AKT3: variants seen among roughly 807,000 people sequenced by gnomAD.
AKT3 encodes AKT serine/threonine kinase 3.
A neutral mutation model predicts 65.3 loss-of-function variants in AKT3; 15 were observed. The observed-to-expected ratio is 0.23, with a 90% confidence interval of 0.15 to 0.35. The LOEUF (loss-of-function observed/expected upper bound fraction) is 0.35. Among genes scored for constraint, AKT3 ranks in the 10% least tolerant of loss-of-function variants. The pLI is 1.00. For synonymous variants in AKT3, 206 were observed against 183.8 expected (o/e 1.12, Z -0.98); for missense variants, 243 against 576.5 (o/e 0.42, Z 5.92).
At chr1:243,535,168 A>ATTTAAAATTTTAAAATATAT (rs1671818982) in intron 12 of AKT3, among the ~76,000 whole-genome samples, 1 of 111,092 alleles carries the variant, frequency 9.0e-6, no homozygotes, top group South Asian at 2.2e-4. Context: ...TTTAAAATAT[A>ATTTAAAATTTTAAAATATAT]TTTAAAATTT....
At chr1:243,756,306 C>T (rs1056038606) in intron 2 of AKT3, among the ~76,000 whole-genome samples, 2 of 152,042 alleles carry the variant, frequency 1.3e-5, no homozygotes, top group African/African-American at 4.8e-5. Context: ...TCATTCTCCA[C>T]ACAAAAAAGA....
intron 2 of AKT3, among the ~76,000 whole-genome samples, chr1:243,762,586 C>CCA (rs1689556604): frequency 6.6e-6 from 1 of 151,926 alleles, no homozygotes. Flanking sequence ...ATCATAAGTC[C>CCA]CACTTCAAGA....
chr1:243,499,330 G>A (rs1364643057), downstream of AKT3, among the ~76,000 whole-genome samples: 1 of 152,120 alleles, frequency 6.6e-6, no homozygotes, highest in Non-Finnish European at 1.5e-5. Context: ...GTTTCACGAG[G>A]AATTTCTTAG....
At chr1:243,749,406 A>G (rs1688669507) in intron 2 of AKT3, among the ~76,000 whole-genome samples, 2 of 152,014 alleles carry the variant, frequency 1.3e-5, no homozygotes, top group South Asian at 2.1e-4. Flanking sequence ...CCCCAACCCC[A>G]TCTTTCTCAT....
chr1:243,512,840 T>G (rs1670103079), intron 12 of AKT3, among the ~76,000 whole-genome samples: 1 of 152,152 alleles, frequency 6.6e-6, no homozygotes, highest in South Asian at 2.1e-4. Flanking sequence ...AACTTAATAA[T>G]ACAGCTATCA....
chr1:243,652,793 AG>A (rs1354553696), intron 4 of AKT3, among the ~76,000 whole-genome samples: 2 of 149,274 alleles, frequency 1.3e-5, no homozygotes, highest in Non-Finnish European at 3.0e-5. Flanking sequence ...AAAAAAAAAA[AG>A]CAGGAGTTGC....
chr1:243,579,568 G>T lies in AKT3; in HGVS notation c.697-6520C>A, dbSNP rs190480489. 2.2e-3 allele frequency among the ~76,000 whole-genome samples: 340 copies of T among 152,296 alleles called. 3 individuals carry two copies. The highest frequency in any genetic ancestry group is 7.8e-3 in the African/African-American group (324 of 41,554). On this transcript the variant is annotated intron_variant, in intron 8 of 13. Coordinates refer to ENST00000673466, the MANE Select transcript of AKT3 (RefSeq NM_005465.7). ...GTCATATTTAGGTGGGCTGAAAAGA[G>T]AATGTGAAGGTAGAAATAATACACC...
intron 4 of AKT3, among the ~76,000 whole-genome samples, chr1:243,660,487 A>G (rs1395597179): frequency 2.0e-5 from 3 of 152,352 alleles, no homozygotes; most frequent in African/African-American, 7.2e-5. Context: ...AGATGCAGAA[A>G]AGGCCTTTGA....
intron 8 of AKT3, among the ~76,000 whole-genome samples, chr1:243,593,215 T>C (rs1676357525): frequency 6.6e-6 from 1 of 152,178 alleles, no homozygotes; most frequent in Admixed American, 6.5e-5. Context: ...ACAGAACTAT[T>C]ACATGAAAAG....
intron 3 of AKT3, among the ~76,000 whole-genome samples, chr1:243,692,743 A>C (rs1419464979): frequency 1.3e-5 from 2 of 152,124 alleles, no homozygotes; most frequent in African/African-American, 2.4e-5. Flanking sequence ...CTAAAAAAAA[A>C]AAAATTTATG....
At chr1:243,821,978 AT>A (rs1340365252) in intron 2 of AKT3, among the ~76,000 whole-genome samples, 2 of 152,316 alleles carry the variant, frequency 1.3e-5, no homozygotes, top group Admixed American at 1.3e-4. Flanking sequence ...CAGAATATAC[AT>A]TCTTCTTGGT....
chr1:243,698,857 C>T (rs1685229780), intron 2 of AKT3, among the ~76,000 whole-genome samples: 1 of 150,518 alleles, frequency 6.6e-6, no homozygotes, highest in South Asian at 2.1e-4. Context: ...TATGAATTAA[C>T]TTTCTGAGAA....
At chr1:243,589,780 C>T (rs1676095507) in intron 8 of AKT3, among the ~76,000 whole-genome samples, 2 of 152,182 alleles carry the variant, frequency 1.3e-5, no homozygotes, top group South Asian at 4.1e-4. Context: ...TAAGGCAGGA[C>T]TGCAGGTATC....
At chr1:243,731,015 G>A (rs894913620) in intron 2 of AKT3, among the ~76,000 whole-genome samples, 2 of 152,214 alleles carry the variant, frequency 1.3e-5, no homozygotes, top group African/African-American at 4.8e-5. Context: ...GGCGAACTGA[G>A]TGCAGCCTGC....
At chr1:243,533,105 C>T (rs566808461) in intron 12 of AKT3, among the ~76,000 whole-genome samples, 2 of 152,050 alleles carry the variant, frequency 1.3e-5, no homozygotes, top group Non-Finnish European at 2.9e-5. Context: ...CTTTCGGTTT[C>T]GGTCATTATT....
In AKT3 at chr1:243,552,952, G is replaced by C; in HGVS notation, c.949-9C>G. On this transcript the variant is annotated splice_polypyrimidine_tract_variant and intron_variant, in intron 10 of 13. Coordinates refer to ENST00000673466, the MANE Select transcript of AKT3 (RefSeq NM_005465.7). ...TCATTATCTTCTAACACCTAAAAGT[G>C]AAATCAGTAAAAAGATTAATTATTA... 1 of 1,558,388 alleles carries C rather than the reference G, an allele frequency of 6.4e-7. No homozygotes were observed.
intron 13 of AKT3, among the ~76,000 whole-genome samples, chr1:243,493,245 C>T (rs1027056140): frequency 2.9e-5 from 1 of 34,302 alleles, no homozygotes; most frequent in African/African-American, 1.1e-4. Flanking sequence ...GAGGGGGATT[C>T]GGGGTGAGGG....
chr1:243,617,429 C>T (rs1197488715), intron 6 of AKT3, among the ~76,000 whole-genome samples: 1 of 151,928 alleles, frequency 6.6e-6, no homozygotes, highest in Non-Finnish European at 1.5e-5. Context: ...AAAAAAACTG[C>T]TGATGTGCAC....
chr1:243,807,395 C>A (rs1388819728), intron 2 of AKT3, among the ~76,000 whole-genome samples: 5 of 152,334 alleles, frequency 3.3e-5, no homozygotes, highest in South Asian at 2.1e-4. Context: ...TATCCCATGC[C>A]TGGCTCGGAG....
Sources: allele counts gnomAD v4.1 joint callset (sites outside exome capture counted in the v4.1 genomes callset), GRCh38; gene constraint gnomAD v4.1.1; transcripts MANE v1.5; gene names NCBI Gene and HGNC (gene_info 2026-07-23, HGNC 2026-07-21).